SMIM45: variants seen among roughly 807,000 people sequenced by gnomAD.
SMIM45 encodes long intergenic non-protein coding RNA 634.
At chr22:41,955,410 C>T in the SMIM45 span, among the ~76,000 whole-genome samples, 1 of 152,106 alleles carries the variant, frequency 6.6e-6, no homozygotes, top group Non-Finnish European at 1.5e-5. Flanking sequence ...AATTCCTGAC[C>T]TCAGGTGACC....
the SMIM45 span, among the ~76,000 whole-genome samples, chr22:41,955,169 T>C: frequency 6.8e-6 from 1 of 146,784 alleles, no homozygotes; most frequent in Non-Finnish European, 1.5e-5. Context: ...TGGTGCAAAA[T>C]GCTTTTTTAT....
At chr22:41,948,754 CA>C in the SMIM45 span, among the ~76,000 whole-genome samples, 1 of 151,978 alleles carries the variant, frequency 6.6e-6, no homozygotes, top group Non-Finnish European at 1.5e-5. Flanking sequence ...CTCATCTCTA[CA>C]AAAAAATTTT....
chr22:41,951,840 T>G, the SMIM45 span, among the ~76,000 whole-genome samples: 72,137 of 152,026 alleles, frequency 0.47, 20,626 homozygotes, highest in African/African-American at 0.79. Flanking sequence ...CCGCTTGCCA[T>G]TTACCCCAGC....
At chr22:41,953,786 T>C in the SMIM45 span, among the ~76,000 whole-genome samples, 1 of 139,240 alleles carries the variant, frequency 7.2e-6, no homozygotes, top group African/African-American at 2.7e-5. Context: ...AGTCTCGCTC[T>C]GTTGCCCAGG....
At chr22:41,948,239 A>G in the SMIM45 span, among the ~76,000 whole-genome samples, 1 of 152,226 alleles carries the variant, frequency 6.6e-6, no homozygotes, top group Non-Finnish European at 1.5e-5. Context: ...ATCGTAGTTA[A>G]TAAATATTTG....
the SMIM45 span, chr22:41,946,991 G>A: frequency 6.2e-7 from 1 of 1,611,118 alleles, no homozygotes; most frequent in Non-Finnish European, 8.5e-7. Context: ...GGAAAAACCG[G>A]CGGGGGAAGC....
the SMIM45 span, chr22:41,947,269 A>AAC: frequency 1.7e-6 from 1 of 600,648 alleles, no homozygotes; most frequent in East Asian, 2.8e-5. Flanking sequence ...CTACCCGTGG[A>AAC]ACACGTGGTG....
the SMIM45 span, among the ~76,000 whole-genome samples, chr22:41,950,974 A>G: frequency 6.6e-6 from 1 of 152,230 alleles, no homozygotes; most frequent in African/African-American, 2.4e-5. Context: ...CCTGGCGAAC[A>G]CAGCGAGACT....
chr22:41,947,020 C>T, the SMIM45 span: 1 of 1,612,834 alleles, frequency 6.2e-7, no homozygotes, highest in Admixed American at 1.7e-5. Flanking sequence ...CTGCACCTAC[C>T]AAGATGGTGG....
the SMIM45 span, among the ~76,000 whole-genome samples, chr22:41,953,214 A>G: frequency 2.0e-5 from 3 of 152,166 alleles, no homozygotes; most frequent in Non-Finnish European, 4.4e-5. Context: ...AGGAAACAGC[A>G]TCTTTCCCTC....
the SMIM45 span, among the ~76,000 whole-genome samples, chr22:41,950,397 C>T: frequency 6.6e-6 from 1 of 152,190 alleles, no homozygotes; most frequent in African/African-American, 2.4e-5. Flanking sequence ...TCTCCCACCC[C>T]AAAATGTTAA....
At chr22:41,947,509 G>A in the SMIM45 span, among the ~76,000 whole-genome samples, 1 of 151,418 alleles carries the variant, frequency 6.6e-6, no homozygotes, top group East Asian at 1.9e-4. Flanking sequence ...CTGGGACTAC[G>A]GGCGCGCGTC....
At chr22:41,951,368 C>T in the SMIM45 span, among the ~76,000 whole-genome samples, 20 of 152,214 alleles carry the variant, frequency 1.3e-4, no homozygotes, top group African/African-American at 4.1e-4. Flanking sequence ...TGAATTCCAG[C>T]TCAGTCACTG....
At chr22:41,958,538 T>C in the SMIM45 span, 1 of 356,414 alleles carries the variant, frequency 2.8e-6, no homozygotes, top group African/African-American at 2.6e-5. Flanking sequence ...CATGGGGAGA[T>C]GAGATGTGTA....
chr22:41,958,319 C>T, the SMIM45 span: 23 of 456,594 alleles, frequency 5.0e-5, no homozygotes, highest in South Asian at 2.9e-4. Flanking sequence ...CAACTTTAGG[C>T]AGGTCGAAGC....
chr22:41,947,588 A>C, the SMIM45 span, among the ~76,000 whole-genome samples: 1 of 151,552 alleles, frequency 6.6e-6, no homozygotes, highest in East Asian at 1.9e-4. Flanking sequence ...GGCCGGTCTC[A>C]AACTCCTGGC....
the SMIM45 span, chr22:41,958,245 C>T: frequency 4.4e-6 from 2 of 453,966 alleles, no homozygotes; most frequent in South Asian, 1.6e-5. Context: ...CCTGAGGCTC[C>T]GGAGCCCTCA....
the SMIM45 span, among the ~76,000 whole-genome samples, chr22:41,956,049 CT>C: frequency 1.3e-5 from 2 of 149,842 alleles, no homozygotes; most frequent in African/African-American, 4.9e-5. Flanking sequence ...CTGGATCTTG[CT>C]CCAGGCTGGA....
At chr22:41,951,259 C>A in the SMIM45 span, among the ~76,000 whole-genome samples, 1 of 152,248 alleles carries the variant, frequency 6.6e-6, no homozygotes, top group Non-Finnish European at 1.5e-5. Context: ...CTGAGAATAG[C>A]CCTCAACACG....
Sources: allele counts gnomAD v4.1 joint callset (sites outside exome capture counted in the v4.1 genomes callset), GRCh38; gene constraint gnomAD v4.1.1; transcripts MANE v1.5; gene names NCBI Gene and HGNC (gene_info 2026-07-23, HGNC 2026-07-21).